The following ARF4 variants were observed in gnomAD, a reference collection of about 807,000 sequenced individuals.
The protein encoded by ARF4 is ADP-ribosylation factor 4.
ARF4 carries 5 observed loss-of-function variants against 24.3 expected under a neutral mutation model. The ratio of observed to expected loss-of-function variants is 0.21; its 90% CI spans 0.11 to 0.43. The LOEUF (loss-of-function observed/expected upper bound fraction) is 0.43. Among genes scored for constraint, ARF4 ranks in the 20% least tolerant of loss-of-function variants. The probability of loss-of-function intolerance (pLI) is 1.00; values close to 1 mark genes in which losing one functional copy is unlikely to be tolerated. For missense variants in ARF4, 107 were observed against 213.0 expected (o/e 0.50, Z 3.10); for synonymous variants, 62 against 73.5 (o/e 0.84, Z 0.80).
At chr3:57,577,220 G>C in intron 4 of ARF4, 96 bp downstream of exon 4, 1 of 989,714 alleles carries the variant, frequency 1.0e-6, no homozygotes. Context: ...CAATCCATTT[G>C]TGTAATCTAA....
chr3:57,572,004 T>G lies in ARF4; in HGVS notation c.*208A>C. 2.1e-6 allele frequency: 1 copy of G among 482,188 alleles called. No individual in the cohort carries two copies. Among genetic ancestry groups the G allele is most frequent in the Non-Finnish European group, 3.7e-6 (1 of 269,600 alleles). The allele number at this position is 482,188 out of a possible 1,614,324, so 29.9% of individuals were successfully genotyped here. On this transcript the variant is annotated 3_prime_UTR_variant, in exon 6 of 6. Coordinates refer to ENST00000303436, the MANE Select transcript of ARF4 (RefSeq NM_001660.4). ...AAGTAAAATTAAAAGAGGATACTTT[T>G]TTCCCAAGGAGAATTTCTTTAAAAC...
At chr3:57,582,224 T>C (rs569231648) in intron 3 of ARF4, among the ~76,000 whole-genome samples, 10 of 152,158 alleles carry the variant, frequency 6.6e-5, no homozygotes, top group African/African-American at 9.7e-5. Context: ...CACAGCTATA[T>C]TGATGACCAT....
At chr3:57,589,782 T>C (rs2070086083) in intron 1 of ARF4, among the ~76,000 whole-genome samples, 1 of 150,178 alleles carries the variant, frequency 6.7e-6, no homozygotes, top group Admixed American at 6.7e-5. Context: ...CAAGAAATAC[T>C]TACATTTTAA....
chr3:57,579,668 A>G (rs1232844109), intron 3 of ARF4, among the ~76,000 whole-genome samples: 1 of 152,140 alleles, frequency 6.6e-6, no homozygotes, highest in Non-Finnish European at 1.5e-5. Flanking sequence ...CTTATTTTAC[A>G]TCCATTAAAT....
rs1172587341 is a variant in ARF4 at position 57,597,295 on chromosome 3, G to A, written c.-155C>T. ...GAAACGTCTCAGTGGCCCCTGTGCC[G>A]ATGAAGATCCGGCACAGGAATAAGC... On this transcript the variant is annotated 5_prime_UTR_variant, in exon 1 of 6. Transcript: ENST00000303436. 2 of 673,314 alleles carry A rather than the reference G, an allele frequency of 3.0e-6. No homozygotes were observed. The highest frequency in any genetic ancestry group is 5.1e-6 in the Non-Finnish European group (2 of 395,882). The allele number at this position is 673,314 out of a possible 1,614,324, so 41.7% of individuals were successfully genotyped here.
rs770416100 is a variant in ARF4 at position 57,572,328 on chromosome 3, T to C, written c.457-30A>G. 3 of 1,524,354 alleles carry C rather than the reference T, an allele frequency of 2.0e-6. No individual in the cohort carries two copies. The East Asian group carries it at 6.8e-5, about 34-fold the overall frequency. The allele number at this position is 1,524,354 out of a possible 1,614,324, so 94.4% of individuals were successfully genotyped here. On this transcript the variant is annotated intron_variant, in intron 5 of 5. Transcript: ENST00000303436. ...AAAGAGAAGACAAGAAAATACTTGA[T>C]TAACAAAGTTAATATATAACACCAG...
In ARF4 at chr3:57,584,025, A is replaced by C; in HGVS notation, c.149-18T>G. ...ATTAAAACCTACAAAGAAAAACAAA[A>C]ATGACCGCTGTGCAGCGTCATTAAG... On this transcript the variant is annotated intron_variant, in intron 2 of 5. Coordinates refer to ENST00000303436, the MANE Select transcript of ARF4 (RefSeq NM_001660.4). 6 of 1,509,400 alleles carry C rather than the reference A, an allele frequency of 4.0e-6. No homozygotes were observed. The highest frequency in any genetic ancestry group is 1.1e-5 in the South Asian group (1 of 87,582). 93.5% of individuals were successfully genotyped at this position (1,509,400 alleles called of 1,614,324 possible). A position where few individuals can be genotyped will look rare whatever the true frequency, so the allele number is the denominator to read the frequency against.
chr3:57,592,549 T>G (rs6767123), intron 1 of ARF4, among the ~76,000 whole-genome samples: 113,778 of 152,018 alleles, frequency 0.75, 44,681 homozygotes, highest in East Asian at 1. Flanking sequence ...AGGCCACCAG[T>G]TATACGGAAA....
intron 3 of ARF4, among the ~76,000 whole-genome samples, chr3:57,578,724 C>G (rs150416724): frequency 3.3e-5 from 5 of 152,166 alleles, no homozygotes; most frequent in Admixed American, 6.5e-5. Flanking sequence ...AGTGATCCAC[C>G]CATCTTGGCC....
chr3:57,592,018 C>T (rs1293865820), intron 1 of ARF4, among the ~76,000 whole-genome samples: 4 of 152,224 alleles, frequency 2.6e-5, no homozygotes, highest in South Asian at 2.1e-4. Context: ...CTAAAACCCA[C>T]GGAACTGTAC....
At chr3:57,594,444 T>C (rs146446410) in intron 1 of ARF4, among the ~76,000 whole-genome samples, 32 of 152,162 alleles carry the variant, frequency 2.1e-4, no homozygotes, top group Non-Finnish European at 3.1e-4. Context: ...TTGCATAACT[T>C]ACCCTTATAA....
At chr3:57,584,098 A>G (rs1434076739) in intron 2 of ARF4, 91 bp from the exon 3 acceptor site, 2 of 895,106 alleles carry the variant, frequency 2.2e-6, no homozygotes, top group Non-Finnish European at 3.5e-6. Context: ...GTGTTTTTAA[A>G]GTACTTCTTT....
intron 1 of ARF4, among the ~76,000 whole-genome samples, chr3:57,595,065 T>A (rs2070164828): frequency 6.6e-6 from 1 of 152,310 alleles, no homozygotes; most frequent in South Asian, 2.1e-4. Flanking sequence ...AACTCCTAAA[T>A]CCTCCACACA....
chr3:57,583,317 TA>T (rs1443974324), intron 3 of ARF4, among the ~76,000 whole-genome samples: 1 of 152,204 alleles, frequency 6.6e-6, no homozygotes, highest in African/African-American at 2.4e-5. Context: ...TCAAGTCATC[TA>T]GGGGATGATC....
chr3:57,593,173 T>A (rs2070135593), intron 1 of ARF4, among the ~76,000 whole-genome samples: 1 of 152,074 alleles, frequency 6.6e-6, no homozygotes, highest in African/African-American at 2.4e-5. Context: ...CACCTGTATG[T>A]GCCCCAGAGT....
intron 4 of ARF4, 89 bp downstream of exon 4, chr3:57,577,222 GTAATC>G: frequency 9.9e-7 from 1 of 1,011,960 alleles, no homozygotes; most frequent in Non-Finnish European, 1.5e-6. Context: ...ATCCATTTGT[GTAATC>G]TAATCATAGT....
intron 1 of ARF4, among the ~76,000 whole-genome samples, chr3:57,585,521 C>T (rs1032557351): frequency 3.3e-5 from 5 of 152,066 alleles, no homozygotes; most frequent in African/African-American, 7.2e-5. Flanking sequence ...ATGTAAACAA[C>T]GAGTTAATGG....
chr3:57,580,577 T>A (rs6792880), intron 3 of ARF4, among the ~76,000 whole-genome samples: 54 of 151,320 alleles, frequency 3.6e-4, no homozygotes, highest in Admixed American at 9.9e-4. Context: ...AATTTTTTTT[T>A]AATTTTTTTT....
At chr3:57,585,875 T>A (rs951067905) in intron 1 of ARF4, among the ~76,000 whole-genome samples, 2 of 152,104 alleles carry the variant, frequency 1.3e-5, no homozygotes, top group South Asian at 2.1e-4. Context: ...TTGGCCAGGC[T>A]GGTCTTGAAC....
Sources: gnomAD v4.1 joint callset for allele counts (sites outside exome capture counted in the v4.1 genomes callset) on GRCh38, gnomAD v4.1.1 for gene constraint, MANE v1.5 for transcripts, NCBI Gene and HGNC (gene_info 2026-07-23, HGNC 2026-07-21) for gene names.